Variants in TRHDE observed in about 807,000 individuals in gnomAD.
TRHDE encodes the protein thyrotropin-releasing hormone-degrading ectoenzyme.
Under a neutral mutation model 125.7 loss-of-function variants are expected in TRHDE, and 72 were observed. The ratio of observed to expected loss-of-function variants is 0.57; its 90% CI spans 0.47 to 0.70. The LOEUF (loss-of-function observed/expected upper bound fraction) is 0.70. Ranked by LOEUF, TRHDE falls within the 30% of genes least tolerant of loss-of-function variation. TRHDE has a pLI of 0.00. For missense variants in TRHDE, 1,110 were observed against 1,327.1 expected (o/e 0.84, Z 2.54); for synonymous variants, 509 against 509.1 (o/e 1.00, Z 0.00).
intron 6 of TRHDE, among the ~76,000 whole-genome samples, chr12:72,518,452 A>G (rs922503338): frequency 4.6e-5 from 7 of 151,902 alleles, no homozygotes; most frequent in Non-Finnish European, 8.8e-5. Context: ...GTTTTATCAG[A>G]GACTAGGATT....
At chr12:72,104,182 T>C (rs1875129871) in intron 1 of TRHDE, among the ~76,000 whole-genome samples, 1 of 152,204 alleles carries the variant, frequency 6.6e-6, no homozygotes, top group African/African-American at 2.4e-5. Context: ...TTATTTACTC[T>C]TATATTTCCC....
chr12:72,296,042 A>G (rs1055674304), intron 2 of TRHDE, among the ~76,000 whole-genome samples: 1 of 152,170 alleles, frequency 6.6e-6, no homozygotes, highest in African/African-American at 2.4e-5. Context: ...TCTGCTGTTC[A>G]TAGAGCTTTC....
chr12:72,316,323 A>G (rs985159690), intron 2 of TRHDE, among the ~76,000 whole-genome samples: 1 of 152,146 alleles, frequency 6.6e-6, no homozygotes, highest in Non-Finnish European at 1.5e-5. Context: ...AAATGAGCGC[A>G]TTGCCTGTAA....
chr12:72,641,106 G>T (rs1023267024), intron 15 of TRHDE, among the ~76,000 whole-genome samples: 1 of 152,136 alleles, frequency 6.6e-6, no homozygotes, highest in African/African-American at 2.4e-5. Flanking sequence ...GACTTACCTG[G>T]ATCTAGAGGC....
chr12:72,601,287 T>C (rs1161120387), intron 12 of TRHDE, among the ~76,000 whole-genome samples: 1 of 152,112 alleles, frequency 6.6e-6, no homozygotes, highest in African/African-American at 2.4e-5. Context: ...AGTATGTTGC[T>C]CAATTGCTAC....
chr12:72,328,430 A>C (rs571007461), intron 2 of TRHDE, among the ~76,000 whole-genome samples: 1 of 149,278 alleles, frequency 6.7e-6, no homozygotes, highest in South Asian at 2.1e-4. Context: ...GTTTTTTTAA[A>C]ATGCTTGTGC....
chr12:72,428,920 G>C (rs1874304392), intron 3 of TRHDE, among the ~76,000 whole-genome samples: 1 of 151,990 alleles, frequency 6.6e-6, no homozygotes, highest in African/African-American at 2.4e-5. Context: ...TGTGCCACAT[G>C]AATCAGTATC....
intron 2 of TRHDE, among the ~76,000 whole-genome samples, chr12:72,232,019 C>T (rs1303813420): frequency 6.6e-6 from 1 of 152,098 alleles, no homozygotes; most frequent in African/African-American, 2.4e-5. Context: ...TAGGTAGGGA[C>T]TTGTTTGAAA....
rs934221326 is a variant in TRHDE at position 72,456,084 on chromosome 12, G to A, written c.1316-13674G>A. On this transcript the variant is annotated intron_variant, in intron 3 of 18. Transcript: ENST00000261180. The stretch of plus-strand genomic sequence containing the variant: ...ATATACACTCATATATACTCAGTAT[G>A]TATATTTATATAATAGAAATATTAT... Among the ~76,000 whole-genome samples the A allele has an allele frequency of 2.7e-5, 4 of 146,700 alleles. No homozygotes were observed. The South Asian group carries it at 8.7e-4, about 32-fold the overall frequency.
At chr12:72,442,280 C>T (rs1260243415) in intron 3 of TRHDE, among the ~76,000 whole-genome samples, 1 of 151,770 alleles carries the variant, frequency 6.6e-6, no homozygotes, top group African/African-American at 2.4e-5. Context: ...TGATAAAATA[C>T]AAAGGAGATT....
intron 1 of TRHDE, among the ~76,000 whole-genome samples, chr12:72,275,677 T>A (rs1879461211): frequency 6.6e-6 from 1 of 152,228 alleles, no homozygotes; most frequent in African/African-American, 2.4e-5. Context: ...AAAATATGTT[T>A]GGCAGAACTG....
chr12:72,490,763 A>G (rs1436162850), intron 5 of TRHDE, among the ~76,000 whole-genome samples: 1 of 151,454 alleles, frequency 6.6e-6, no homozygotes, highest in Non-Finnish European at 1.5e-5. Context: ...CTGTAAAAAA[A>G]AAAAAAAAAC....
At chr12:72,545,922 T>C (rs1435535429) in intron 7 of TRHDE, among the ~76,000 whole-genome samples, 1 of 151,670 alleles carries the variant, frequency 6.6e-6, no homozygotes, top group East Asian at 1.9e-4. Flanking sequence ...TGAAATCTGG[T>C]GAAACCAATT....
chr12:72,318,548 G>A (rs964028779), intron 2 of TRHDE, among the ~76,000 whole-genome samples: 1 of 152,054 alleles, frequency 6.6e-6, no homozygotes, highest in African/African-American at 2.4e-5. Context: ...CCCTGAGATT[G>A]TTTTTCCCAA....
At chr12:72,623,385 T>C (rs1244010291) in intron 15 of TRHDE, among the ~76,000 whole-genome samples, 1 of 152,042 alleles carries the variant, frequency 6.6e-6, no homozygotes, top group East Asian at 1.9e-4. Flanking sequence ...TTATTAAAAT[T>C]GGACTCACAC....
At chr12:72,383,791 A>G (rs1292994568) in intron 3 of TRHDE, among the ~76,000 whole-genome samples, 2 of 150,542 alleles carry the variant, frequency 1.3e-5, no homozygotes, top group Non-Finnish European at 3.0e-5. Flanking sequence ...TTTTGACCAC[A>G]CAGCAGAAAA....
At chr12:72,247,663 C>T (rs917684125) in intron 2 of TRHDE, among the ~76,000 whole-genome samples, 2 of 152,134 alleles carry the variant, frequency 1.3e-5, no homozygotes, top group African/African-American at 2.4e-5. Flanking sequence ...TGGGATTGTA[C>T]TGAAATATCT....
At chr12:72,099,164 G>GAA (rs5799063) in intron 1 of TRHDE, among the ~76,000 whole-genome samples, 37 of 145,524 alleles carry the variant, frequency 2.5e-4, no homozygotes, top group Admixed American at 3.4e-4. Flanking sequence ...ACTCTGTCAA[G>GAA]AAAAAAAAAA....
At chr12:72,499,095 G>C (rs1000160211) in intron 5 of TRHDE, among the ~76,000 whole-genome samples, 1 of 152,050 alleles carries the variant, frequency 6.6e-6, no homozygotes, top group African/African-American at 2.4e-5. Context: ...CAGAAGGTTA[G>C]TACTTCTTAT....
Sources: allele counts gnomAD v4.1 joint callset (sites outside exome capture counted in the v4.1 genomes callset), GRCh38; gene constraint gnomAD v4.1.1; transcripts MANE v1.5; gene names NCBI Gene and HGNC (gene_info 2026-07-23, HGNC 2026-07-21).